The following TRIM8 variants were observed in gnomAD, a reference collection of about 807,000 sequenced individuals.
TRIM8 encodes E3 ubiquitin-protein ligase TRIM8.
A neutral mutation model predicts 55.7 loss-of-function variants in TRIM8; 9 were observed. That is an observed-to-expected ratio of 0.16 (90% CI 0.10 to 0.28). TRIM8 has a LOEUF of 0.28. Among genes scored for constraint, TRIM8 ranks in the 10% least tolerant of loss-of-function variants. The probability of loss-of-function intolerance (pLI) is 1.00; values close to 1 mark genes in which losing one functional copy is unlikely to be tolerated. For synonymous variants in TRIM8, 335 were observed against 333.3 expected (o/e 1.01, Z -0.06); for missense variants, 556 against 736.4 (o/e 0.76, Z 2.83).
Position 102,656,991 on chromosome 10 carries a change from C to A in TRIM8, c.1293C>A (p.Gly431=). 6.2e-7 allele frequency: 1 copy of A among 1,612,358 alleles called. No individual in the cohort carries two copies. The highest frequency in any genetic ancestry group is 8.5e-7 in the Non-Finnish European group (1 of 1,179,758). The change falls in exon 6 of 6, where the codon GGC becomes GGA. Residue 431 remains glycine (G), a synonymous_variant. Transcript: ENST00000643721. The surrounding 1 kb of genome is among the most constrained non-coding windows in gnomAD (Gnocchi z 4.6). ...STQHLVALPG[G]AQPVHSSPVF... is the part of the protein sequence containing the mutation. ...AGCACTTGGTGGCCCTGCCGGGCGG[C>A]GCCCAACCAGTGCACTCAAGCCCCG...
intron 1 of TRIM8, among the ~76,000 whole-genome samples, chr10:102,647,395 C>T (rs1307235586): frequency 3.3e-5 from 5 of 152,192 alleles, no homozygotes; most frequent in Admixed American, 3.3e-4. Flanking sequence ...TCTCCAGGTT[C>T]CCCCTCCCCA....
chr10:102,650,951 T>G (rs2063979636), intron 1 of TRIM8, among the ~76,000 whole-genome samples: 1 of 152,118 alleles, frequency 6.6e-6, no homozygotes, highest in African/African-American at 2.4e-5. Context: ...GTATTTCCCA[T>G]CTTCCTTCCA....
intron 1 of TRIM8, among the ~76,000 whole-genome samples, chr10:102,646,326 G>A (rs1256486149): frequency 6.6e-6 from 1 of 152,276 alleles, no homozygotes; most frequent in South Asian, 2.1e-4. Context: ...TGGGGGCTAG[G>A]CTGCACTCTG....
Position 102,657,107 on chromosome 10 carries a change from T to C in TRIM8, c.1409T>C (p.Val470Ala). Residue 470 changes from valine to alanine, a missense_variant, in exon 6 of 6, where the codon GTG becomes GCG. Physicochemically the swap from Val to Ala is moderately conservative, Grantham distance 64. This residue lies in a region of TRIM8 where 391 missense variants were observed against 441.0 expected (regional missense o/e 0.89). Transcript: ENST00000643721. ...GGCCGCAAGATTCTCGTCTGTTCTG[T>C]GGACAACTGTTACTGTTCTTCCGTG... ...YGGRKILVCS[V>A]DNCYCSSVAN... The C allele has an allele frequency of 1.9e-6, 3 of 1,613,868 alleles. No homozygotes were observed. The highest frequency in any genetic ancestry group is 2.5e-6 in the Non-Finnish European group (3 of 1,179,988).
intron 3 of TRIM8, 79 bp downstream of exon 3, chr10:102,655,392 A>G: frequency 4.5e-6 from 6 of 1,322,946 alleles, no homozygotes; most frequent in Non-Finnish European, 6.4e-6. Context: ...CTGCACCTGT[A>G]GCTCACATGC....
At chr10:102,652,733 T>C (rs2063994724) in intron 1 of TRIM8, among the ~76,000 whole-genome samples, 1 of 152,128 alleles carries the variant, frequency 6.6e-6, no homozygotes, top group African/African-American at 2.4e-5. Context: ...ATAACTTTAG[T>C]ATCTGAGACT....
intron 1 of TRIM8, among the ~76,000 whole-genome samples, chr10:102,651,761 G>C (rs1564720418): frequency 6.6e-6 from 1 of 152,222 alleles, no homozygotes; most frequent in Non-Finnish European, 1.5e-5. Context: ...AATTGTTCCA[G>C]GGGAGGTCAG....
At chr10:102,650,369 G>GT (rs1217131973) in intron 1 of TRIM8, among the ~76,000 whole-genome samples, 1 of 152,288 alleles carries the variant, frequency 6.6e-6, no homozygotes, top group East Asian at 1.9e-4. Flanking sequence ...AAGCTGAGGA[G>GT]TGGGGGCCCA....
Position 102,656,985 on chromosome 10 carries a change from G to A in TRIM8, c.1287G>A (p.Pro429=), listed in dbSNP as rs748390071. Residue 429 remains proline (P), a synonymous_variant, in exon 6 of 6, where the codon CCG becomes CCA. Coordinates refer to ENST00000643721, the MANE Select transcript of TRIM8 (RefSeq NM_030912.3). This position sits in a 1 kb window ranked among gnomAD's most constrained non-coding sequence, Gnocchi z 4.6. ...CCACGCAGCACTTGGTGGCCCTGCC[G>A]GGCGGCGCCCAACCAGTGCACTCAA... ...CSSTQHLVAL[P]GGAQPVHSSP... 9.9e-6 allele frequency: 16 copies of A among 1,612,442 alleles called. No individual in the cohort carries two copies. The East Asian group carries it at 2.5e-4, about 25-fold the overall frequency.
intron 1 of TRIM8, among the ~76,000 whole-genome samples, chr10:102,646,645 G>GTGTGTCCTCCACCCCC (rs1200332925): frequency 5.9e-5 from 9 of 152,202 alleles, no homozygotes; most frequent in Non-Finnish European, 1.2e-4. Context: ...CTTAAAGGAA[G>GTGTGTCCTCCACCCCC]TGTGTCCTCC....
chr10:102,653,762 C>T (rs1168253559), intron 1 of TRIM8: 1 of 152,190 alleles, frequency 6.6e-6, no homozygotes, highest in Non-Finnish European at 1.5e-5. Context: ...CCTGATGCCC[C>T]CTAATGTAAG....
At position 102,656,218 on chromosome 10, in the gene TRIM8, G is replaced by T; in HGVS notation, c.933-52G>T. ...CAGGCCCATGGCGGGGAGGTAGGGC[G>T]GGCTCACCGGTGATGCCTCCTCACA... On this transcript the variant is annotated intron_variant, in intron 4 of 5. Transcript: ENST00000643721. This position sits in a 1 kb window ranked among gnomAD's most constrained non-coding sequence, Gnocchi z 4.6. 3 of 1,614,060 alleles carry T rather than the reference G, an allele frequency of 1.9e-6. No individual in the cohort carries two copies. The highest frequency in any genetic ancestry group is 2.5e-6 in the Non-Finnish European group (3 of 1,179,984).
chr10:102,647,234 G>A (rs554400352), intron 1 of TRIM8, among the ~76,000 whole-genome samples: 5 of 151,070 alleles, frequency 3.3e-5, no homozygotes, highest in Admixed American at 6.6e-5. Context: ...GTGTGTGTGC[G>A]TGTGTGCGTG....
intron 1 of TRIM8, among the ~76,000 whole-genome samples, chr10:102,651,816 C>T (rs554136267): frequency 6.6e-6 from 1 of 152,242 alleles, no homozygotes; most frequent in South Asian, 2.1e-4. Context: ...CGCCATCGTG[C>T]CAGGCCTCTT....
chr10:102,654,952 C>A (rs2286748), intron 2 of TRIM8, 128 bp from the exon 3 acceptor site: 350,128 of 1,140,794 alleles, frequency 0.31, 54,852 homozygotes, highest in South Asian at 0.38. Context: ...GCAGGTCAGA[C>A]CTTGCCCTTG....
rs2064024414 is a variant in TRIM8, at chr10:102,656,302, C to T, written c.965C>T (p.Pro322Leu). ...TQTCTSSSLSPTKIGHLNSKL... is the reference protein window; with the variant it reads ...TQTCTSSSLSLTKIGHLNSKL... ...ACCTGCACGAGCAGCAGCCTTTCCC[C>T]CACTAAGATCGGCCACCTGAACTCC... Residue 322 changes from proline (P) to leucine (L), a missense_variant, in exon 5 of 6, where the codon CCC becomes CTC. This residue lies in a region of TRIM8 where 391 missense variants were observed against 441.0 expected (regional missense o/e 0.89). Transcript: ENST00000643721. The surrounding 1 kb of genome is among the most constrained non-coding windows in gnomAD (Gnocchi z 4.6). 6.2e-7 allele frequency: 1 copy of T among 1,614,202 alleles called. No individual in the cohort carries two copies. The highest frequency in any genetic ancestry group is 8.5e-7 in the Non-Finnish European group (1 of 1,180,032).
intron 1 of TRIM8, chr10:102,653,548 G>A (rs1479604661): frequency 6.5e-6 from 1 of 152,892 alleles, no homozygotes; most frequent in Non-Finnish European, 1.5e-5. Flanking sequence ...GAGATGGAGT[G>A]ACTGGCAGGA....
Position 102,657,413 on chromosome 10 carries a change from T to TTA in TRIM8, c.*61_*62dup. 6.6e-7 allele frequency: 1 copy of TTA among 1,513,084 alleles called. No individual in the cohort carries two copies. Among genetic ancestry groups the TTA allele is most frequent in the Non-Finnish European group, 8.8e-7 (1 of 1,130,492 alleles). 93.7% of individuals were successfully genotyped at this position (1,513,084 alleles called of 1,614,324 possible). A position where few individuals can be genotyped will look rare whatever the true frequency, so the allele number is the denominator to read the frequency against. On this transcript the variant is annotated 3_prime_UTR_variant, in exon 6 of 6. Transcript: ENST00000643721. ...CCTCCCCAGCCCCCGGGCTCGGGAG[T>TTA]TATGCATCCAGAGACCTGCCCTTCT...
In TRIM8 at chr10:102,657,708, C is replaced by T. The variant is rs1196313681; in HGVS notation, c.*354C>T. The T allele has an allele frequency of 5.1e-6, 1 of 197,600 alleles. No homozygotes were observed. The highest frequency in any genetic ancestry group is 1.0e-5 in the Non-Finnish European group (1 of 97,590). 12.2% of individuals were successfully genotyped at this position (197,600 alleles called of 1,614,324 possible). On this transcript the variant is annotated 3_prime_UTR_variant, in exon 6 of 6. Coordinates refer to ENST00000643721, the MANE Select transcript of TRIM8 (RefSeq NM_030912.3). ...CCGTGGCTGGAAGGAACCTCGGCTT[C>T]CCTGAAAGCTTGGGGGTCCCACCCT...
Sources: allele counts gnomAD v4.1 joint callset (sites outside exome capture counted in the v4.1 genomes callset), GRCh38; gene constraint gnomAD v4.1.1; regional missense constraint gnomAD v4.1.1; non-coding constraint Gnocchi (gnomAD v3.1); transcripts MANE v1.5; gene names NCBI Gene and HGNC (gene_info 2026-07-23, HGNC 2026-07-21).